ACER2: variants seen among roughly 807,000 people sequenced by gnomAD.
ACER2 encodes alkaline ceramidase 2.
In ACER2, 26 loss-of-function variants were observed where a neutral mutation model predicts 34.7. The ratio of observed to expected loss-of-function variants is 0.75; its 90% CI spans 0.55 to 1.04. ACER2 has a LOEUF of 1.04. ACER2 is among the 50% of genes least tolerant of loss of function. ACER2 has a pLI of 0.00. For missense variants in ACER2, 352 were observed against 340.8 expected, an observed-to-expected ratio of 1.03 and a Z score of -0.26; for synonymous variants, 138 against 132.1, an observed-to-expected ratio of 1.04 and a Z score of -0.31.
In ACER2 at chr9:19,440,137, C is replaced by T. The variant is rs529419828; in HGVS notation, c.503+5053C>T. ...CCCTGTATCTTATGTATTATTCTCT[C>T]GGCTGCTCGCCCAATTAGTTCTCCT... On this transcript the variant is annotated intron_variant, in intron 4 of 5. Coordinates refer to ENST00000340967, the MANE Select transcript of ACER2 (RefSeq NM_001010887.3). 4.6e-5 allele frequency among the ~76,000 whole-genome samples: 7 copies of T among 152,304 alleles called. No individual in the cohort carries two copies. The South Asian group carries it at 1.2e-3, about 27-fold the overall frequency.
At chr9:19,435,353 C>T (rs1433452411) in intron 4 of ACER2, among the ~76,000 whole-genome samples, 1 of 152,152 alleles carries the variant, frequency 6.6e-6, no homozygotes, top group Non-Finnish European at 1.5e-5. Flanking sequence ...CTAGATCAAG[C>T]TGTCTAGACT....
At chr9:19,410,095 A>G (rs1181666945) in intron 1 of ACER2, among the ~76,000 whole-genome samples, 1 of 152,216 alleles carries the variant, frequency 6.6e-6, no homozygotes, top group African/African-American at 2.4e-5. Flanking sequence ...AAACAAGGGA[A>G]ACAGGAACTC....
chr9:19,442,850 T>TTTTA (rs1831201264), intron 4 of ACER2, among the ~76,000 whole-genome samples: 1 of 151,808 alleles, frequency 6.6e-6, no homozygotes, highest in African/African-American at 2.4e-5. Context: ...TTTTTTTTTT[T>TTTTA]GAGATGGGGT....
chr9:19,449,890 TAAAAAAAAAAA>T (rs543959118), intron 5 of ACER2, among the ~76,000 whole-genome samples: 1 of 131,364 alleles, frequency 7.6e-6, no homozygotes, highest in Non-Finnish European at 1.6e-5. Context: ...AGACTTCATT[TAAAAAAAAAAA>T]AAAAAAAAAA....
chr9:19,441,271 A>G (rs144273369), intron 4 of ACER2, among the ~76,000 whole-genome samples: 56 of 152,172 alleles, frequency 3.7e-4, no homozygotes, highest in Non-Finnish European at 6.0e-4. Flanking sequence ...GGATGGTCTC[A>G]ATCTGCTGAC....
Position 19,438,504 on chromosome 9 carries a change from C to G in ACER2, c.503+3420C>G, listed in dbSNP as rs1831044387. On this transcript the variant is annotated intron_variant, in intron 4 of 5. Transcript: ENST00000340967. ...GCTCCTGGGCCTTTGGCTCCATTTG[C>G]ATCCTCCTCTAGCCAACTCTGGATG... is the stretch of plus-strand genomic sequence containing the variant. Among the ~76,000 whole-genome samples, 3 of 152,334 alleles carry G rather than the reference C, an allele frequency of 2.0e-5. No individual in the cohort carries two copies. The South Asian group carries it at 6.2e-4, about 32-fold the overall frequency.
chr9:19,440,779 T>TA (rs1195755981), intron 4 of ACER2, among the ~76,000 whole-genome samples: 3 of 152,218 alleles, frequency 2.0e-5, no homozygotes, highest in African/African-American at 7.2e-5. Context: ...CTCCTAAACT[T>TA]ACGTCTCCAA....
intron 3 of ACER2, among the ~76,000 whole-genome samples, chr9:19,431,918 G>T (rs1250921400): frequency 6.6e-6 from 1 of 152,226 alleles, no homozygotes; most frequent in Non-Finnish European, 1.5e-5. Context: ...ACCTGTTCCA[G>T]GGGCTCTTGG....
intron 3 of ACER2, among the ~76,000 whole-genome samples, chr9:19,432,303 T>G (rs1208863509): frequency 6.6e-6 from 1 of 152,192 alleles, no homozygotes; most frequent in African/African-American, 2.4e-5. Flanking sequence ...GTGCTAGACA[T>G]GTAGGACAAA....
At chr9:19,445,284 G>A (rs1831319046) in intron 4 of ACER2, among the ~76,000 whole-genome samples, 1 of 152,244 alleles carries the variant, frequency 6.6e-6, no homozygotes, top group South Asian at 2.1e-4. Context: ...TTGTCCCAGT[G>A]TGTGTAAGAA....
chr9:19,440,829 T>G (rs545400383), intron 4 of ACER2, among the ~76,000 whole-genome samples: 28 of 152,284 alleles, frequency 1.8e-4, no homozygotes, highest in African/African-American at 6.5e-4. Context: ...TGTGTCTAGC[T>G]GCCTGCCTAA....
intron 4 of ACER2, among the ~76,000 whole-genome samples, chr9:19,446,021 T>G (rs1430261189): frequency 2.0e-5 from 3 of 152,104 alleles, no homozygotes; most frequent in Non-Finnish European, 4.4e-5. Context: ...CATATTAGGG[T>G]GCTCGTGTCA....
chr9:19,442,541 C>T (rs968230691), intron 4 of ACER2, among the ~76,000 whole-genome samples: 13 of 152,290 alleles, frequency 8.5e-5, no homozygotes, highest in South Asian at 2.1e-4. Context: ...CATGCCAAGC[C>T]GGCCCTGTCC....
intron 3 of ACER2, among the ~76,000 whole-genome samples, chr9:19,428,043 CT>C: frequency 1.6e-5 from 2 of 128,378 alleles, no homozygotes; most frequent in Admixed American, 8.3e-5. Context: ...CTTTCCTTTC[CT>C]TTCCTTTCCT....
intron 4 of ACER2, among the ~76,000 whole-genome samples, chr9:19,445,937 G>T (rs1175469047): frequency 6.6e-6 from 1 of 152,202 alleles, no homozygotes; most frequent in African/African-American, 2.4e-5. Context: ...GAGAGCTGAT[G>T]GACTAGATGT....
chr9:19,421,416 A>G (rs768963794), intron 1 of ACER2, among the ~76,000 whole-genome samples: 2 of 152,256 alleles, frequency 1.3e-5, no homozygotes, highest in Admixed American at 6.5e-5. Context: ...ATAAAAAAGA[A>G]TAAGTTACTG....
At chr9:19,440,777 CT>C (rs1831129792) in intron 4 of ACER2, among the ~76,000 whole-genome samples, 1 of 152,196 alleles carries the variant, frequency 6.6e-6, no homozygotes, top group Non-Finnish European at 1.5e-5. Context: ...GACTCCTAAA[CT>C]TACGTCTCCA....
intron 4 of ACER2, among the ~76,000 whole-genome samples, chr9:19,444,843 C>T (rs528567114): frequency 5.5e-4 from 84 of 152,328 alleles, no homozygotes; most frequent in African/African-American, 1.8e-3. Flanking sequence ...CCCATGTCAT[C>T]GGCCTCTATT....
At chr9:19,432,032 T>G (rs1446432909) in intron 3 of ACER2, among the ~76,000 whole-genome samples, 4 of 152,178 alleles carry the variant, frequency 2.6e-5, no homozygotes, top group African/African-American at 9.7e-5. Context: ...TAGTCCAGCC[T>G]TTTCGTTTTA....
Sources: allele counts gnomAD v4.1 joint callset (sites outside exome capture counted in the v4.1 genomes callset), GRCh38; gene constraint gnomAD v4.1.1; transcripts MANE v1.5; gene names NCBI Gene and HGNC (gene_info 2026-07-23, HGNC 2026-07-21).